Variants in UNC5D observed in about 807,000 individuals in gnomAD.
The protein encoded by UNC5D is unc-5 netrin receptor D.
In UNC5D, 39 loss-of-function variants were observed where a neutral mutation model predicts 105.4. The observed-to-expected ratio is 0.37, with a 90% CI of 0.29 to 0.48. The LOEUF (loss-of-function observed/expected upper bound fraction) is 0.48. UNC5D is among the 20% of genes least tolerant of loss of function. The pLI is 0.98. For missense variants in UNC5D, 991 were observed against 1,202.4 expected (o/e 0.82, Z 2.60); for synonymous variants, 452 against 450.4 (o/e 1.00, Z -0.04).
At chr8:35,291,825 C>T (rs1303548262) in intron 1 of UNC5D, among the ~76,000 whole-genome samples, 1 of 152,150 alleles carries the variant, frequency 6.6e-6, no homozygotes, top group Admixed American at 6.6e-5. Flanking sequence ...AGATAAGTTT[C>T]AGTTTGAAGT....
intron 13 of UNC5D, 106 bp downstream of exon 13, chr8:35,750,915 C>A: frequency 1.5e-6 from 2 of 1,353,292 alleles, no homozygotes; most frequent in East Asian, 2.3e-5. Flanking sequence ...AGAAAATGAA[C>A]CCACGCCACT....
chr8:35,720,600 T>C (rs765238102), intron 8 of UNC5D, among the ~76,000 whole-genome samples: 3 of 152,140 alleles, frequency 2.0e-5, no homozygotes, highest in Non-Finnish European at 4.4e-5. Flanking sequence ...AGCTTAAGAA[T>C]GATAGCTGCC....
At chr8:35,729,891 G>A (rs561730246) in intron 10 of UNC5D, among the ~76,000 whole-genome samples, 1 of 152,298 alleles carries the variant, frequency 6.6e-6, no homozygotes, top group African/African-American at 2.4e-5. Flanking sequence ...ACTGAATAAT[G>A]CTTACAAATG....
intron 1 of UNC5D, among the ~76,000 whole-genome samples, chr8:35,527,300 C>T (rs1202807368): frequency 2.6e-5 from 4 of 152,102 alleles, no homozygotes; most frequent in Non-Finnish European, 5.9e-5. Flanking sequence ...TTCCAGAGCT[C>T]CTTCCTGAAA....
Position 35,722,205 on chromosome 8 carries a change from T to C in UNC5D, c.1118-5T>C. ...GTCACTTACAATTTCTCTTGTGTCTTTCAGGCATTGAGAATGCCAGCGACA... is the reference window on the plus strand; with the variant it reads ...GTCACTTACAATTTCTCTTGTGTCTCTCAGGCATTGAGAATGCCAGCGACA... On this transcript the variant is annotated splice_polypyrimidine_tract_variant and splice_region_variant and intron_variant, in intron 8 of 16. Transcript: ENST00000404895. The C allele has an allele frequency of 6.2e-7, 1 of 1,612,940 alleles. No individual in the cohort carries two copies. Among genetic ancestry groups the C allele is most frequent in the Non-Finnish European group, 8.5e-7 (1 of 1,179,658 alleles).
At chr8:35,498,084 C>CAAAAAAA (rs58175711) in intron 1 of UNC5D, among the ~76,000 whole-genome samples, 18 of 58,184 alleles carry the variant, frequency 3.1e-4, no homozygotes, top group Non-Finnish European at 4.2e-4. Context: ...CAAAACAAAA[C>CAAAAAAA]AAAAAAAAAA....
chr8:35,591,977 G>A (rs542265164), intron 3 of UNC5D, among the ~76,000 whole-genome samples: 36 of 152,146 alleles, frequency 2.4e-4, no homozygotes, highest in Admixed American at 1.7e-3. Flanking sequence ...ATGTTCCTGC[G>A]GTTTCCCCTT....
At chr8:35,765,556 A>T (rs2131704873) in intron 14 of UNC5D, among the ~76,000 whole-genome samples, 1 of 152,326 alleles carries the variant, frequency 6.6e-6, no homozygotes, top group South Asian at 2.1e-4. Context: ...AGTTCACAAC[A>T]ATCTAAAGTC....
rs1349643109 is a variant in UNC5D, at chr8:35,726,628, C to T, written c.1681+99C>T. The T allele has an allele frequency of 2.2e-5, 34 of 1,528,270 alleles. No individual in the cohort carries two copies. The East Asian group carries it at 7.0e-4, about 31-fold the overall frequency. 94.7% of individuals were successfully genotyped at this position (1,528,270 alleles called of 1,614,324 possible). A position where few individuals can be genotyped will look rare whatever the true frequency, so the allele number is the denominator to read the frequency against. On this transcript the variant is annotated intron_variant, in intron 10 of 16. Transcript: ENST00000404895. The stretch of plus-strand genomic sequence containing the variant: ...GATTCATTTTATGATGTTTACTCTC[C>T]CCTCATCAGACCTGCAAACACTGCG...
intron 4 of UNC5D, among the ~76,000 whole-genome samples, chr8:35,599,947 C>G (rs1819743821): frequency 6.6e-6 from 1 of 152,150 alleles, no homozygotes; most frequent in African/African-American, 2.4e-5. Flanking sequence ...TACTATCCCT[C>G]CCTCCTCCCC....
At chr8:35,602,628 G>C (rs542497124) in intron 4 of UNC5D, among the ~76,000 whole-genome samples, 2 of 152,302 alleles carry the variant, frequency 1.3e-5, no homozygotes, top group South Asian at 4.1e-4. Context: ...TTGTATTTCT[G>C]TGGGATTGGT....
chr8:35,714,189 A>T (rs1178730993), intron 8 of UNC5D, among the ~76,000 whole-genome samples: 3 of 152,228 alleles, frequency 2.0e-5, no homozygotes, highest in Non-Finnish European at 4.4e-5. Flanking sequence ...GAGTGAATGG[A>T]AACAGATTCA....
At chr8:35,428,150 C>T (rs1462142880) in intron 1 of UNC5D, among the ~76,000 whole-genome samples, 1 of 152,012 alleles carries the variant, frequency 6.6e-6, no homozygotes, top group African/African-American at 2.4e-5. Flanking sequence ...AAATCTGACA[C>T]CCAAGGGTAT....
intron 1 of UNC5D, among the ~76,000 whole-genome samples, chr8:35,317,519 G>T (rs1809397096): frequency 6.6e-6 from 1 of 152,104 alleles, no homozygotes; most frequent in Admixed American, 6.6e-5. Context: ...CTCAACTAAG[G>T]ATGGTGAATC....
intron 1 of UNC5D, among the ~76,000 whole-genome samples, chr8:35,325,544 G>A (rs1046815774): frequency 3.9e-5 from 6 of 152,154 alleles, no homozygotes; most frequent in Non-Finnish European, 8.8e-5. Flanking sequence ...GGGGAACTTG[G>A]AGTGCATTAT....
chr8:35,778,135 G>A (rs1007352195), intron 16 of UNC5D, among the ~76,000 whole-genome samples: 4 of 152,190 alleles, frequency 2.6e-5, no homozygotes, highest in Admixed American at 2.0e-4. Context: ...CGGTATGTCT[G>A]AATAAGGATG....
chr8:35,426,009 C>T (rs1459087418), intron 1 of UNC5D, among the ~76,000 whole-genome samples: 4 of 152,102 alleles, frequency 2.6e-5, no homozygotes, highest in Non-Finnish European at 1.5e-5. Flanking sequence ...CCATGAACGA[C>T]AGAAATTTAA....
intron 4 of UNC5D, among the ~76,000 whole-genome samples, chr8:35,605,526 A>T (rs1167191757): frequency 1.3e-5 from 2 of 152,174 alleles, no homozygotes; most frequent in African/African-American, 4.8e-5. Flanking sequence ...ACCTGTTCTC[A>T]GATCTCAAGC....
intron 1 of UNC5D, among the ~76,000 whole-genome samples, chr8:35,277,865 A>C (rs1805878461): frequency 6.6e-6 from 1 of 152,316 alleles, no homozygotes; most frequent in African/African-American, 2.4e-5. Context: ...TAGCAATTAC[A>C]GTGGGTTCTT....
Sources: allele counts gnomAD v4.1 joint callset (sites outside exome capture counted in the v4.1 genomes callset), GRCh38; gene constraint gnomAD v4.1.1; transcripts MANE v1.5; gene names NCBI Gene and HGNC (gene_info 2026-07-23, HGNC 2026-07-21).